PRUNE2: variants seen among roughly 807,000 people sequenced by gnomAD.
PRUNE2 encodes the protein protein prune homolog 2.
Under a neutral mutation model 252.0 loss-of-function variants are expected in PRUNE2, and 164 were observed. The observed-to-expected ratio is 0.65, with a 90% CI of 0.57 to 0.74. The LOEUF (loss-of-function observed/expected upper bound fraction) is 0.74, where lower values mean the gene tolerates loss of function less well. Ranked by LOEUF, PRUNE2 falls within the 30% of genes least tolerant of loss-of-function variation. PRUNE2 has a pLI of 0.00. For missense variants in PRUNE2, 3,495 were observed against 3,711.0 expected, an observed-to-expected ratio of 0.94 and a Z score of 1.51; for synonymous variants, 1,292 against 1,350.2, an observed-to-expected ratio of 0.96 and a Z score of 0.94.
intron 6 of PRUNE2, among the ~76,000 whole-genome samples, chr9:76,792,512 C>G (rs949180890): frequency 2.0e-5 from 3 of 152,176 alleles, no homozygotes; most frequent in African/African-American, 7.2e-5. Context: ...GATGCTTCTC[C>G]ACATGCCCCC....
intron 4 of PRUNE2, among the ~76,000 whole-genome samples, chr9:76,831,628 T>C (rs532159290): frequency 6.6e-6 from 1 of 152,264 alleles, no homozygotes; most frequent in African/African-American, 2.4e-5. Flanking sequence ...ATTTTAACTG[T>C]ATGTTGTAAT....
At chr9:76,846,453 G>A (rs1564426467) in intron 4 of PRUNE2, 62 bp downstream of exon 4, 10 of 1,403,618 alleles carry the variant, frequency 7.1e-6, no homozygotes, top group Non-Finnish European at 9.7e-6. Flanking sequence ...CTTTCTACAT[G>A]AGCAGGCTGG....
intron 9 of PRUNE2, among the ~76,000 whole-genome samples, chr9:76,688,443 C>CA (rs2044341941): frequency 6.6e-6 from 1 of 152,194 alleles, no homozygotes; most frequent in Non-Finnish European, 1.5e-5. Context: ...TCAAGTAACT[C>CA]ACCAAGGCTG....
chr9:76,644,789 C>A lies in PRUNE2; in HGVS notation c.8678G>T (p.Arg2893Leu), dbSNP rs758477389. 5 of 1,613,938 alleles carry A rather than the reference C, an allele frequency of 3.1e-6. No individual in the cohort carries two copies. Among genetic ancestry groups the A allele is most frequent in the Non-Finnish European group, 4.2e-6 (5 of 1,179,846 alleles). Reference protein sequence around the residue: ...RTVVIGEQEQRIDMKVIEPYR... With the variant: ...RTVVIGEQEQLIDMKVIEPYR... ...GGGCTCGATGACCTTCATGTCAATGCGCTGCTCTTGTTCTCCAATGACCAC... is the reference window on the plus strand; with the variant it reads ...GGGCTCGATGACCTTCATGTCAATGAGCTGCTCTTGTTCTCCAATGACCAC... Residue 2893 changes from arginine (R) to leucine (L), a missense_variant, in exon 12 of 19, where the codon CGC (arginine) becomes CTC (leucine). Coordinates refer to ENST00000376718, the MANE Select transcript of PRUNE2 (RefSeq NM_015225.3).
At chr9:76,632,320 C>A (rs1838019080) in intron 15 of PRUNE2, among the ~76,000 whole-genome samples, 1 of 152,182 alleles carries the variant, frequency 6.6e-6, no homozygotes, top group Non-Finnish European at 1.5e-5. Flanking sequence ...TTTTAGTGAT[C>A]TCTTTTTTCA....
intron 9 of PRUNE2, among the ~76,000 whole-genome samples, chr9:76,674,485 G>T (rs1472692259): frequency 6.6e-6 from 1 of 151,956 alleles, no homozygotes; most frequent in Non-Finnish European, 1.5e-5. Flanking sequence ...TGGCCATACT[G>T]CCCAAGGTAA....
At chr9:76,843,075 G>T (rs1328593153) in intron 4 of PRUNE2, among the ~76,000 whole-genome samples, 2 of 152,108 alleles carry the variant, frequency 1.3e-5, no homozygotes, top group African/African-American at 2.4e-5. Context: ...CAACCCAAAT[G>T]CCCATCAATG....
intron 9 of PRUNE2, among the ~76,000 whole-genome samples, chr9:76,681,275 C>T (rs1344112277): frequency 1.3e-5 from 2 of 151,882 alleles, no homozygotes; most frequent in Non-Finnish European, 2.9e-5. Context: ...TGGTGGTTGC[C>T]AGGGGCCGGG....
At chr9:76,806,119 G>A (rs558966041) in intron 6 of PRUNE2, among the ~76,000 whole-genome samples, 33 of 152,176 alleles carry the variant, frequency 2.2e-4, no homozygotes, top group Admixed American at 4.6e-4. Flanking sequence ...CTGAACCAGC[G>A]GCATCAGCAT....
At chr9:76,765,522 C>T (rs1426048576) in intron 6 of PRUNE2, among the ~76,000 whole-genome samples, 1 of 152,124 alleles carries the variant, frequency 6.6e-6, no homozygotes, top group African/African-American at 2.4e-5. Context: ...CTCATAATTG[C>T]ATTCTAGCAA....
chr9:76,704,830 T>C lies in PRUNE2; in HGVS notation c.7444A>G (p.Asn2482Asp), dbSNP rs1338731302. ...GAGSNILSPS[N>D]VDWEVETDNS... ...TCTGTTTCTACTTCCCAGTCAACGTTTGATGGAGACAAAATGTTGGAGCCT... is the reference window on the plus strand; with the variant it reads ...TCTGTTTCTACTTCCCAGTCAACGTCTGATGGAGACAAAATGTTGGAGCCT... The change falls in exon 8 of 19, where the codon AAC becomes GAC. Residue 2482 changes from asparagine to aspartate, a missense_variant. Physicochemically the swap from Asn to Asp is conservative, Grantham distance 23 (BLOSUM62 1). Transcript: ENST00000376718. 1.3e-6 allele frequency: 2 copies of C among 1,592,950 alleles called. No homozygotes were observed. Among genetic ancestry groups the C allele is most frequent in the South Asian group, 1.1e-5 (1 of 88,014 alleles).
chr9:76,707,855 C>T lies in PRUNE2; in HGVS notation c.4419G>A (p.Glu1473=). The change falls in exon 8 of 19, where the codon GAG becomes GAA. Residue 1473 remains glutamate (E), a synonymous_variant. Transcript: ENST00000376718. ...GTGGCCCTCCACCCACGTTCTCTGGCTCTAGAAAGTTACATTCTTCAGTTT... is the reference window on the plus strand; with the variant it reads ...GTGGCCCTCCACCCACGTTCTCTGGTTCTAGAAAGTTACATTCTTCAGTTT... ...LEKTEECNFL[E]PENVGGGPPH... is the part of the protein sequence containing the mutation. 2.5e-6 allele frequency: 4 copies of T among 1,613,720 alleles called. No homozygotes were observed. The highest frequency in any genetic ancestry group is 3.4e-6 in the Non-Finnish European group (4 of 1,179,802).
At chr9:76,665,535 C>T (rs1358018708) in intron 9 of PRUNE2, among the ~76,000 whole-genome samples, 2 of 152,186 alleles carry the variant, frequency 1.3e-5, no homozygotes, top group Non-Finnish European at 2.9e-5. Context: ...TGTCTGCCCC[C>T]ACTCCTCCCC....
rs890021359 is a variant in PRUNE2 at position 76,612,913 on chromosome 9, A to C, written c.*1657T>G. 1 of 152,160 alleles carries C rather than the reference A, an allele frequency of 6.6e-6. No homozygotes were observed. Among genetic ancestry groups the C allele is most frequent in the Non-Finnish European group, 1.5e-5 (1 of 68,026 alleles). The allele number at this position is 152,160 out of a possible 1,614,324, so 9.4% of individuals were successfully genotyped here. On this transcript the variant is annotated 3_prime_UTR_variant, in exon 19 of 19. Coordinates refer to ENST00000376718, the MANE Select transcript of PRUNE2 (RefSeq NM_015225.3). ...TCCCCAATGAATTTTCCACCATGAG[A>C]CTAGGGTGGAACCGCTCTCACCCCT... is the stretch of plus-strand genomic sequence containing the variant.
chr9:76,706,882 C>A lies in PRUNE2; in HGVS notation c.5392G>T (p.Val1798Phe). 6.3e-7 allele frequency: 1 copy of A among 1,596,004 alleles called. No individual in the cohort carries two copies. Among genetic ancestry groups the A allele is most frequent in the Middle Eastern group, 1.7e-4 (1 of 5,922 alleles). ...SSPETGTTGD[V>F]AWQISPKASF... ...GCTTTGGGAGATATTTGCCATGCAACATCTCCTGTTGTCCCTGTTTCTGGA... is the reference window on the plus strand; with the variant it reads ...GCTTTGGGAGATATTTGCCATGCAAAATCTCCTGTTGTCCCTGTTTCTGGA... The change falls in exon 8 of 19, where the codon GTT becomes TTT. Residue 1798 changes from valine to phenylalanine, a missense_variant. Coordinates refer to ENST00000376718, the MANE Select transcript of PRUNE2 (RefSeq NM_015225.3).
chr9:76,869,004 T>C (rs2061023306), intron 1 of PRUNE2: 1 of 152,158 alleles, frequency 6.6e-6, no homozygotes, highest in Non-Finnish European at 1.5e-5. Context: ...TTATTTCTGC[T>C]CCTTCGGATT....
rs770995926 is a variant in PRUNE2, at chr9:76,709,982, G to A, written c.2292C>T (p.Asp764=). Residue 764 remains aspartate, a synonymous_variant, in exon 8 of 19, where the codon GAC becomes GAT. Transcript: ENST00000376718. ...GACCAGAATGCCACAAAGAAGCAAAGTCTTCTATCAGGTGGTTTGTTCCTT... is the reference window on the plus strand; with the variant it reads ...GACCAGAATGCCACAAAGAAGCAAAATCTTCTATCAGGTGGTTTGTTCCTT... ...SPQGTNHLIE[D]FASLWHSGRS... is the part of the protein sequence containing the mutation. 9 of 1,613,648 alleles carry A rather than the reference G, an allele frequency of 5.6e-6. No homozygotes were observed. In the East Asian group the frequency reaches 1.1e-4, roughly 20 times the overall value.
Position 76,706,776 on chromosome 9 carries a change from G to A in PRUNE2, c.5498C>T (p.Ser1833Leu), listed in dbSNP as rs1444412763. Residue 1833 changes from serine to leucine, a missense_variant, in exon 8 of 19, where the codon TCA becomes TTA. Transcript: ENST00000376718. ...SADSTEWWKA[S>L]PQEGRLIESP... ...TTCAATTAGTCTCCCTTCCTGGGGT[G>A]AGGCCTTCCACCACTCAGTGCTATC... The A allele has an allele frequency of 1.9e-6, 3 of 1,610,938 alleles. No individual in the cohort carries two copies. Among genetic ancestry groups the A allele is most frequent in the South Asian group, 1.1e-5 (1 of 90,486 alleles).
chr9:76,860,678 A>G lies in PRUNE2; in HGVS notation c.37-6470T>C, dbSNP rs142108686. On this transcript the variant is annotated intron_variant, in intron 1 of 18. Transcript: ENST00000376718. ...TTGAAACGAATTTTGTTTTAAAAAT[A>G]TTTCAGACAAAACCCACAGAAGTTG... 5.4e-3 allele frequency among the ~76,000 whole-genome samples: 823 copies of G among 152,332 alleles called. 9 individuals are homozygous for G. Among genetic ancestry groups the G allele is most frequent in the African/African-American group, 0.019 (777 of 41,570 alleles).
Sources: gnomAD v4.1 joint callset for allele counts (sites outside exome capture counted in the v4.1 genomes callset) on GRCh38, gnomAD v4.1.1 for gene constraint, MANE v1.5 for transcripts, NCBI Gene and HGNC (gene_info 2026-07-23, HGNC 2026-07-21) for gene names.